The following SYT11 variants were observed in gnomAD, a reference collection of about 807,000 sequenced individuals.
SYT11 encodes the protein synaptotagmin-11.
Under a neutral mutation model 30.4 loss-of-function variants are expected in SYT11, and 12 were observed. The observed-to-expected ratio is 0.39, with a 90% confidence interval of 0.25 to 0.64. The LOEUF (loss-of-function observed/expected upper bound fraction) is 0.64. Ranked by LOEUF, SYT11 falls within the 30% of genes least tolerant of loss-of-function variation. The pLI, the probability that SYT11 is intolerant of heterozygous loss-of-function variation, is 0.45. For synonymous variants in SYT11, 204 were observed against 216.0 expected (o/e 0.94, Z 0.49); for missense variants, 412 against 552.0 (o/e 0.75, Z 2.54).
intron 2 of SYT11, among the ~76,000 whole-genome samples, chr1:155,878,646 A>G (rs1290151809): frequency 1.3e-5 from 2 of 151,754 alleles, no homozygotes; most frequent in Admixed American, 1.3e-4. Flanking sequence ...CGGGCGGATC[A>G]TGAGGTCAGG....
chr1:155,869,335 A>G (rs1012073800), intron 2 of SYT11, among the ~76,000 whole-genome samples: 11 of 142,862 alleles, frequency 7.7e-5, no homozygotes. Context: ...CAATGGCGCA[A>G]TCTCAGCTCA....
At position 155,860,904 on chromosome 1, in the gene SYT11, T is replaced by C. The variant is rs1366634951; in HGVS notation, c.34+1109T>C. 6.6e-6 allele frequency among the ~76,000 whole-genome samples: 1 copy of C among 152,186 alleles called. No homozygotes were observed. Among genetic ancestry groups the C allele is most frequent in the African/African-American group, 2.4e-5 (1 of 41,456 alleles). Reference sequence around the variant, plus strand: ...AAAATATAATTGCCCTGCTTCTCCTTGATTCAGTTTAGATGGGGGAAGCCA... The same window carrying C: ...AAAATATAATTGCCCTGCTTCTCCTCGATTCAGTTTAGATGGGGGAAGCCA... On this transcript the variant is annotated intron_variant, in intron 1 of 3. Transcript: ENST00000368324. The surrounding 1 kb of genome is among the most constrained non-coding windows in gnomAD (Gnocchi z 4.1).
chr1:155,863,678 T>TG (rs1245769811), intron 1 of SYT11, among the ~76,000 whole-genome samples: 1 of 151,972 alleles, frequency 6.6e-6, no homozygotes, highest in Non-Finnish European at 1.5e-5. Flanking sequence ...CCTAGCACTT[T>TG]GGGGGGCCAA....
Position 155,875,157 on chromosome 1 carries a change from G to A in SYT11, c.862-5343G>A, listed in dbSNP as rs113664432. ...AGTCCCAGCTACTCGGGAGGCTGAGGCAGGAGAATTGCTTGAACCCAGGAG... is the reference window on the plus strand; with the variant it reads ...AGTCCCAGCTACTCGGGAGGCTGAGACAGGAGAATTGCTTGAACCCAGGAG... On this transcript the variant is annotated intron_variant, in intron 2 of 3. Coordinates refer to ENST00000368324, the MANE Select transcript of SYT11 (RefSeq NM_152280.5). Among the ~76,000 whole-genome samples the A allele has an allele frequency of 8.2e-3, 1,197 of 145,706 alleles. 28 individuals carry two copies. Among genetic ancestry groups the A allele is most frequent in the African/African-American group, 0.028 (1,144 of 40,182 alleles).
chr1:155,879,254 T>A (rs1377293008), intron 2 of SYT11, among the ~76,000 whole-genome samples: 1 of 151,684 alleles, frequency 6.6e-6, no homozygotes, highest in Non-Finnish European at 1.5e-5. Flanking sequence ...CTGTCTTTAC[T>A]AAGAATACAA....
chr1:155,881,282 C>A lies in SYT11; in HGVS notation c.1070C>A (p.Pro357His), dbSNP rs1405926654. 1 of 1,614,022 alleles carries A rather than the reference C, an allele frequency of 6.2e-7. No homozygotes were observed. The highest frequency in any genetic ancestry group is 8.5e-7 in the Non-Finnish European group (1 of 1,180,028). ...KTHVKKCTLN[P>H]IFNESFIYDI... Reference sequence around the variant, plus strand: ...CATGTGAAGAAGTGCACTTTGAACCCCATCTTCAATGAATCTTTCATCTAC... The same window carrying A: ...CATGTGAAGAAGTGCACTTTGAACCACATCTTCAATGAATCTTTCATCTAC... Residue 357 changes from proline (P) to histidine (H), a missense_variant, in exon 4 of 4, where the codon CCC becomes CAC. Coordinates refer to ENST00000368324, the MANE Select transcript of SYT11 (RefSeq NM_152280.5).
intron 1 of SYT11, among the ~76,000 whole-genome samples, chr1:155,867,641 A>G (rs1165293894): frequency 6.6e-6 from 1 of 152,218 alleles, no homozygotes; most frequent in East Asian, 1.9e-4. Flanking sequence ...CGTACAGAGC[A>G]GCTTTATGTG....
At position 155,860,442 on chromosome 1, in the gene SYT11, T is replaced by C. The variant is rs926169632; in HGVS notation, c.34+647T>C. On this transcript the variant is annotated intron_variant, in intron 1 of 3. Transcript: ENST00000368324. The surrounding 1 kb of genome is among the most constrained non-coding windows in gnomAD (Gnocchi z 4.1). ...GTGGGGTCCCTCCGATGCTACCAAA[T>C]GGCGCTTGGCGCTGCTGGGCTGGGG... Among the ~76,000 whole-genome samples the C allele has an allele frequency of 6.6e-6, 1 of 152,216 alleles. No individual in the cohort carries two copies. The highest frequency in any genetic ancestry group is 1.5e-5 in the Non-Finnish European group (1 of 68,032).
At chr1:155,866,144 G>A (rs988682592) in intron 1 of SYT11, among the ~76,000 whole-genome samples, 5 of 129,858 alleles carry the variant, frequency 3.9e-5, no homozygotes, top group African/African-American at 1.4e-4. Flanking sequence ...ATGGGGTCTC[G>A]GTCTTTTGCC....
intron 2 of SYT11, among the ~76,000 whole-genome samples, chr1:155,877,909 AT>A (rs985419220): frequency 1.2e-4 from 18 of 152,164 alleles, no homozygotes; most frequent in African/African-American, 4.3e-4. Context: ...ACTTTAGCTC[AT>A]TTTCCACCTT....
chr1:155,881,023 A>C (rs1672951483), intron 3 of SYT11, among the ~76,000 whole-genome samples, 175 bp from the exon 4 acceptor site: 2 of 152,172 alleles, frequency 1.3e-5, no homozygotes, highest in African/African-American at 4.8e-5. Flanking sequence ...CCAGGCAGGC[A>C]GACTCACATA....
chr1:155,879,660 T>C, intron 2 of SYT11, among the ~76,000 whole-genome samples: 1 of 152,170 alleles, frequency 6.6e-6, no homozygotes, highest in South Asian at 2.1e-4. Flanking sequence ...AGGTTAAGAT[T>C]CAAACCCAGT....
At chr1:155,878,346 C>T (rs1672902666) in intron 2 of SYT11, among the ~76,000 whole-genome samples, 1 of 152,184 alleles carries the variant, frequency 6.6e-6, no homozygotes, top group African/African-American at 2.4e-5. Context: ...TTACTCTAGC[C>T]TTGCCCACCT....
At chr1:155,871,293 C>T (rs556300571) in intron 2 of SYT11, among the ~76,000 whole-genome samples, 10 of 152,268 alleles carry the variant, frequency 6.6e-5, no homozygotes, top group Admixed American at 2.6e-4. Flanking sequence ...AGGGCTCTGC[C>T]GACCCATTCT....
intron 1 of SYT11, among the ~76,000 whole-genome samples, chr1:155,865,569 G>C (rs1038590055): frequency 1.3e-5 from 2 of 151,702 alleles, no homozygotes; most frequent in Non-Finnish European, 2.9e-5. Flanking sequence ...CGGAGGTTGC[G>C]GTGAGCCGTG....
In SYT11 at chr1:155,881,562, G is replaced by A. The variant is rs1025229873; in HGVS notation, c.*54G>A. 1 of 1,504,494 alleles carries A rather than the reference G, an allele frequency of 6.6e-7. No homozygotes were observed. The highest frequency in any genetic ancestry group is 1.4e-5 in the African/African-American group (1 of 71,512). 93.2% of individuals were successfully genotyped at this position (1,504,494 alleles called of 1,614,324 possible). A position where few individuals can be genotyped will look rare whatever the true frequency, so the allele number is the denominator to read the frequency against. The stretch of plus-strand genomic sequence containing the variant: ...GGGCCAAGCTGGGGAGGGATGTGGA[G>A]GGGAAAAAGATGACAGAGAAGTGGA... On this transcript the variant is annotated 3_prime_UTR_variant, in exon 4 of 4. Transcript: ENST00000368324.
rs1672995279 is a variant in SYT11, at chr1:155,882,485, C to T, written c.*977C>T. 6.6e-6 allele frequency: 1 copy of T among 152,334 alleles called. No homozygotes were observed. The highest frequency in any genetic ancestry group is 6.5e-5 in the Admixed American group (1 of 15,272). 9.4% of individuals were successfully genotyped at this position (152,334 alleles called of 1,614,324 possible). A position where few individuals can be genotyped will look rare whatever the true frequency, so the allele number is the denominator to read the frequency against. On this transcript the variant is annotated 3_prime_UTR_variant, in exon 4 of 4. Coordinates refer to ENST00000368324, the MANE Select transcript of SYT11 (RefSeq NM_152280.5). The stretch of plus-strand genomic sequence containing the variant: ...TGGGGTATTTTTGCTATCAGCTCTT[C>T]TGCTATGAAGTAGTAAAAGGCAGTC...
chr1:155,865,827 G>A (rs934548945), intron 1 of SYT11, among the ~76,000 whole-genome samples: 1 of 151,844 alleles, frequency 6.6e-6, no homozygotes, highest in African/African-American at 2.4e-5. Flanking sequence ...ACAGGCATGT[G>A]CCACCATGCC....
rs1470214672 is a variant in SYT11, at chr1:155,881,603, T to C, written c.*95T>C. On this transcript the variant is annotated 3_prime_UTR_variant, in exon 4 of 4. Coordinates refer to ENST00000368324, the MANE Select transcript of SYT11 (RefSeq NM_152280.5). Reference sequence around the variant, plus strand: ...GAGAAGTGGACTCCAAACCTCATTTTAGTTGTAGAAGAAAATTTCTTACAA... The same window carrying C: ...GAGAAGTGGACTCCAAACCTCATTTCAGTTGTAGAAGAAAATTTCTTACAA... 1.6e-6 allele frequency: 2 copies of C among 1,236,012 alleles called. No individual in the cohort carries two copies. The highest frequency in any genetic ancestry group is 1.1e-6 in the Non-Finnish European group (1 of 899,106). The allele number at this position is 1,236,012 out of a possible 1,614,324, so 76.6% of individuals were successfully genotyped here.
Sources: allele counts gnomAD v4.1 joint callset (sites outside exome capture counted in the v4.1 genomes callset), GRCh38; gene constraint gnomAD v4.1.1; non-coding constraint Gnocchi (gnomAD v3.1); transcripts MANE v1.5; gene names NCBI Gene and HGNC (gene_info 2026-07-23, HGNC 2026-07-21).